The following MAP3K21 variants were observed in gnomAD, a reference collection of about 807,000 sequenced individuals.
MAP3K21 encodes mitogen-activated protein kinase kinase kinase MLK4.
A neutral mutation model predicts 86.1 loss-of-function variants in MAP3K21; 63 were observed. The ratio of observed to expected loss-of-function variants is 0.73; its 90% CI spans 0.60 to 0.90. MAP3K21 has a LOEUF of 0.90. Among genes scored for constraint, MAP3K21 ranks in the 40% least tolerant of loss-of-function variants. The probability of loss-of-function intolerance (pLI) is 0.00; values close to 1 mark genes in which losing one functional copy is unlikely to be tolerated. For missense variants in MAP3K21, 1,220 were observed against 1,367.7 expected, an observed-to-expected ratio of 0.89 and a Z score of 1.70; for synonymous variants, 558 against 564.8, an observed-to-expected ratio of 0.99 and a Z score of 0.17.
At chr1:233,331,192 G>C (rs902390670) in intron 1 of MAP3K21, among the ~76,000 whole-genome samples, 8 of 152,152 alleles carry the variant, frequency 5.3e-5, no homozygotes, top group African/African-American at 1.9e-4. Context: ...AGAATAAATT[G>C]CCAAACTTCC....
intron 1 of MAP3K21, among the ~76,000 whole-genome samples, chr1:233,336,479 T>C (rs1478945914): frequency 1.3e-5 from 2 of 151,812 alleles, no homozygotes; most frequent in African/African-American, 4.8e-5. Flanking sequence ...AGGTGGAGGT[T>C]GTAGTGAGCT....
chr1:233,376,636 A>T (rs1293530141), intron 8 of MAP3K21, 109 bp downstream of exon 8: 2 of 653,936 alleles, frequency 3.1e-6, no homozygotes, highest in East Asian at 3.0e-5. Flanking sequence ...CAGAGGGGAG[A>T]TTAGCAAGTA....
chr1:233,329,228 G>A (rs1355033531), intron 1 of MAP3K21, among the ~76,000 whole-genome samples: 3 of 152,186 alleles, frequency 2.0e-5, no homozygotes, highest in African/African-American at 7.2e-5. Context: ...TCTTCACCCG[G>A]TGGCCTTCAT....
chr1:233,375,956 A>T lies in MAP3K21; in HGVS notation c.1716A>T (p.Thr572=). 1 of 1,612,038 alleles carries T rather than the reference A, an allele frequency of 6.2e-7. No homozygotes were observed. The highest frequency in any genetic ancestry group is 8.5e-7 in the Non-Finnish European group (1 of 1,179,226). ...GCAATAAAACTTGGGGAAGGAACAC[A>T]GTCTTTCGACAAGAAGAATTTGAGG... ...DESNKTWGRN[T]VFRQEEFEDV... The change falls in exon 7 of 10, where the codon ACA becomes ACT. Residue 572 remains threonine, a synonymous_variant. Coordinates refer to ENST00000366624, the MANE Select transcript of MAP3K21 (RefSeq NM_032435.3).
In MAP3K21 at chr1:233,362,078, TGACTCGGGCGGCTCTGCA is replaced by T; in HGVS notation, c.1339_1356del (p.Thr447_Gln452del). ...GAGCTGCGATCCCGGGAAGAGGAGC[TGACTCGGGCGGCTCTGCA>T]GCAGAAGTCTCAGGAGGAGCTGCTA... On this transcript the variant is annotated inframe_deletion, in exon 5 of 10. Coordinates refer to ENST00000366624, the MANE Select transcript of MAP3K21 (RefSeq NM_032435.3). The T allele has an allele frequency of 6.2e-7, 1 of 1,612,860 alleles. No homozygotes were observed. The highest frequency in any genetic ancestry group is 8.5e-7 in the Non-Finnish European group (1 of 1,179,460).
chr1:233,340,307 G>T (rs1174687363), intron 1 of MAP3K21, among the ~76,000 whole-genome samples: 14 of 152,174 alleles, frequency 9.2e-5, no homozygotes, highest in Admixed American at 9.2e-4. Context: ...CCCTGATTGA[G>T]TGGGAGGTCC....
intron 5 of MAP3K21, among the ~76,000 whole-genome samples, chr1:233,368,262 AT>A (rs961846876): frequency 1.3e-5 from 2 of 151,940 alleles, no homozygotes; most frequent in Admixed American, 1.3e-4. Context: ...ATGGTTAAGA[AT>A]TTTTTTTCTT....
At chr1:233,331,171 T>C (rs945802577) in intron 1 of MAP3K21, among the ~76,000 whole-genome samples, 1 of 152,210 alleles carries the variant, frequency 6.6e-6, no homozygotes, top group Non-Finnish European at 1.5e-5. Flanking sequence ...TTTGAAAGAC[T>C]TTTCAGTCTC....
At chr1:233,349,511 G>T (rs1386255620) in intron 2 of MAP3K21, among the ~76,000 whole-genome samples, 1 of 152,116 alleles carries the variant, frequency 6.6e-6, no homozygotes, top group Non-Finnish European at 1.5e-5. Flanking sequence ...GAAGTAAGCA[G>T]AAGAGAAAAA....
chr1:233,346,763 G>T (rs1161957002), intron 2 of MAP3K21, 141 bp downstream of exon 2: 5 of 730,364 alleles, frequency 6.8e-6, no homozygotes, highest in Non-Finnish European at 1.1e-5. Flanking sequence ...CAAAATAATT[G>T]TAATGACAAC....
intron 1 of MAP3K21, among the ~76,000 whole-genome samples, chr1:233,336,321 AC>A (rs747978177): frequency 5.9e-5 from 9 of 152,076 alleles, no homozygotes; most frequent in Non-Finnish European, 1.0e-4. Context: ...TGGGTGGATC[AC>A]TTGAGGTCAG....
chr1:233,374,848 T>C (rs941660744), intron 6 of MAP3K21, among the ~76,000 whole-genome samples: 2 of 151,570 alleles, frequency 1.3e-5, no homozygotes, highest in Non-Finnish European at 2.9e-5. Flanking sequence ...TTGTATATCA[T>C]AATATTTCAA....
At chr1:233,342,770 T>C (rs1025442753) in intron 1 of MAP3K21, among the ~76,000 whole-genome samples, 1 of 152,068 alleles carries the variant, frequency 6.6e-6, no homozygotes, top group African/African-American at 2.4e-5. Flanking sequence ...TGGAAGTGGG[T>C]CTCTGATTTC....
chr1:233,380,828 T>G (rs1663899514), intron 9 of MAP3K21, among the ~76,000 whole-genome samples: 1 of 152,220 alleles, frequency 6.6e-6, no homozygotes, highest in Non-Finnish European at 1.5e-5. Context: ...GAAGTAGTGG[T>G]GTCAGAATTT....
intron 2 of MAP3K21, among the ~76,000 whole-genome samples, chr1:233,353,010 T>C (rs1360270398): frequency 6.6e-6 from 1 of 152,216 alleles, no homozygotes; most frequent in Middle Eastern, 3.2e-3. Context: ...TATGGATATG[T>C]AGTGAAATTC....
At chr1:233,335,335 G>A (rs1489525554) in intron 1 of MAP3K21, among the ~76,000 whole-genome samples, 2 of 152,074 alleles carry the variant, frequency 1.3e-5, no homozygotes, top group Non-Finnish European at 2.9e-5. Flanking sequence ...ATTGCTTCAC[G>A]TTGAGTGCTT....
chr1:233,379,756 A>G, intron 9 of MAP3K21, 46 bp downstream of exon 9: 2 of 1,357,506 alleles, frequency 1.5e-6, no homozygotes, highest in Non-Finnish European at 2.1e-6. Flanking sequence ...TGCTGTAGAG[A>G]TTAGTATGTG....
At chr1:233,339,246 CTTCTTCTTCT>C (rs1662973476) in intron 1 of MAP3K21, among the ~76,000 whole-genome samples, 4 of 77,426 alleles carry the variant, frequency 5.2e-5, no homozygotes, top group Non-Finnish European at 1.0e-4. Flanking sequence ...TCTTCTTCTT[CTTCTTCTTCT>C]TCTTCTTCTT....
At chr1:233,337,617 T>G (rs1042357135) in intron 1 of MAP3K21, among the ~76,000 whole-genome samples, 3 of 152,172 alleles carry the variant, frequency 2.0e-5, no homozygotes, top group Non-Finnish European at 4.4e-5. Flanking sequence ...TCTTTTTAAT[T>G]TGGCTAACTT....
Sources: gnomAD v4.1 joint callset for allele counts (sites outside exome capture counted in the v4.1 genomes callset) on GRCh38, gnomAD v4.1.1 for gene constraint, MANE v1.5 for transcripts, NCBI Gene and HGNC (gene_info 2026-07-23, HGNC 2026-07-21) for gene names.